The following COL26A1 variants were observed in gnomAD, a reference collection of about 807,000 sequenced individuals.
COL26A1 encodes the protein collagen alpha-1(XXVI) chain.
COL26A1 carries 41 observed loss-of-function variants against 59.3 expected under a neutral mutation model. That is an observed-to-expected ratio of 0.69 (90% CI 0.54 to 0.90). The LOEUF (loss-of-function observed/expected upper bound fraction) is 0.90. COL26A1 is among the 40% of genes least tolerant of loss of function. The pLI is 0.00. For missense variants in COL26A1, 612 were observed against 602.3 expected (o/e 1.02, Z -0.17); for synonymous variants, 266 against 256.0 (o/e 1.04, Z -0.37).
intron 1 of COL26A1, among the ~76,000 whole-genome samples, chr7:101,419,717 G>A (rs1792465220): frequency 6.6e-6 from 1 of 152,204 alleles, no homozygotes; most frequent in South Asian, 2.1e-4. Flanking sequence ...GATTTCCACG[G>A]GCAGGGCTGA....
chr7:101,444,961 C>T (rs1793151428), intron 2 of COL26A1, among the ~76,000 whole-genome samples: 2 of 152,018 alleles, frequency 1.3e-5, no homozygotes, highest in Non-Finnish European at 2.9e-5. Flanking sequence ...CTGCCTCAGC[C>T]TCCTGAGTAG....
At position 101,520,662 on chromosome 7, in the gene COL26A1, A is replaced by ACACACACACACACACACACACACC. The variant is rs915256077; in HGVS notation, c.386-12419_386-12418insACACACACACACACACACACACCC. ...CACACACACACACACACACACACAC[A>ACACACACACACACACACACACACC]CCCCCGTGTTCTTGCATGTTTTTGC... On this transcript the variant is annotated intron_variant, in intron 3 of 12. Coordinates refer to ENST00000313669, the MANE Select transcript of COL26A1 (RefSeq NM_001278563.3). Among the ~76,000 whole-genome samples, 261 of 143,316 alleles carry ACACACACACACACACACACACACC rather than the reference A, an allele frequency of 1.8e-3. 1 individual carries two copies. Among genetic ancestry groups the ACACACACACACACACACACACACC allele is most frequent in the African/African-American group, 6.3e-3 (244 of 38,694 alleles). The allele number at this position is 143,316 out of a possible 152,430, so 94.0% of individuals were successfully genotyped here. A position where few individuals can be genotyped will look rare whatever the true frequency, so the allele number is the denominator to read the frequency against.
chr7:101,496,148 C>T (rs1794581258), intron 3 of COL26A1, among the ~76,000 whole-genome samples: 1 of 152,142 alleles, frequency 6.6e-6, no homozygotes, highest in African/African-American at 2.4e-5. Flanking sequence ...GCCCACGTCT[C>T]CTGGCAAACC....
At chr7:101,492,699 A>AAAAT (rs200117030) in intron 3 of COL26A1, among the ~76,000 whole-genome samples, 5,459 of 141,150 alleles carry the variant, frequency 0.039, 151 homozygotes, top group Non-Finnish European at 0.054. Flanking sequence ...TCTGTCTCAA[A>AAAAT]AAATAAATAA....
intron 3 of COL26A1, among the ~76,000 whole-genome samples, chr7:101,475,880 TTC>T (rs1278978796): frequency 1.4e-5 from 2 of 141,452 alleles, no homozygotes; most frequent in South Asian, 2.2e-4. Flanking sequence ...TTCTTTCTCT[TTC>T]TCTCTCTTTC....
intron 1 of COL26A1, among the ~76,000 whole-genome samples, chr7:101,377,101 C>A (rs896578229): frequency 6.6e-6 from 1 of 152,116 alleles, no homozygotes; most frequent in African/African-American, 2.4e-5. Context: ...TCAGGTGATC[C>A]GCCTGCCTCG....
Position 101,499,896 on chromosome 7 carries a change from A to AG in COL26A1, c.386-33186_386-33185insG, listed in dbSNP as rs35819045. The stretch of plus-strand genomic sequence containing the variant: ...CCCTGCCTTAAAAAAAAAAAAAAAA[A>AG]CACCTTTGTTATGGTTTCCTGTGCT... On this transcript the variant is annotated intron_variant, in intron 3 of 12. Coordinates refer to ENST00000313669, the MANE Select transcript of COL26A1 (RefSeq NM_001278563.3). Among the ~76,000 whole-genome samples the AG allele has an allele frequency of 1.5e-3, 216 of 141,166 alleles. 19 individuals carry two copies. Among genetic ancestry groups the AG allele is most frequent in the Admixed American group, 4.3e-3 (62 of 14,316 alleles). The allele number at this position is 141,166 out of a possible 152,430, so 92.6% of individuals were successfully genotyped here.
At chr7:101,555,981 T>C in intron 12 of COL26A1, 110 bp downstream of exon 12, 1 of 841,930 alleles carries the variant, frequency 1.2e-6, no homozygotes, top group Non-Finnish European at 1.9e-6. Flanking sequence ...CCCTTGCCCC[T>C]AGTCTGACCC....
At position 101,447,788 on chromosome 7, in the gene COL26A1, G is replaced by C. The variant is rs1430515967; in HGVS notation, c.385+1G>C. On this transcript the variant is annotated splice_donor_variant, in intron 3 of 12. Transcript: ENST00000313669. LOFTEE classifies it high-confidence loss of function. Reference sequence around the variant, plus strand: ...TTCACCGGGAGCAACTGTGATGAGGGTAAGTTGGCAGGCACTTGGGCTGCA... The same window carrying C: ...TTCACCGGGAGCAACTGTGATGAGGCTAAGTTGGCAGGCACTTGGGCTGCA... 1.9e-6 allele frequency: 3 copies of C among 1,592,308 alleles called. No individual in the cohort carries two copies. The highest frequency in any genetic ancestry group is 1.7e-6 in the Non-Finnish European group (2 of 1,168,470).
At chr7:101,524,574 T>C (rs1795202763) in intron 3 of COL26A1, among the ~76,000 whole-genome samples, 1 of 152,158 alleles carries the variant, frequency 6.6e-6, no homozygotes, top group Non-Finnish European at 1.5e-5. Flanking sequence ...TAATATTGAG[T>C]CTTCCAATCC....
chr7:101,510,027 C>CTTTTTTTT (rs3073374), intron 3 of COL26A1, among the ~76,000 whole-genome samples: 2,476 of 122,226 alleles, frequency 0.02, 167 homozygotes, highest in South Asian at 0.044. Context: ...CGCGCCCAGT[C>CTTTTTTTT]TTTTTTTTTT....
intron 2 of COL26A1, among the ~76,000 whole-genome samples, chr7:101,426,503 C>T (rs573120743): frequency 5.3e-5 from 8 of 152,274 alleles, no homozygotes; most frequent in Middle Eastern, 3.4e-3. Context: ...CCAGGCATCA[C>T]GTCTCACACC....
chr7:101,429,070 C>T (rs532424522), intron 2 of COL26A1, among the ~76,000 whole-genome samples: 2 of 151,876 alleles, frequency 1.3e-5, no homozygotes, highest in South Asian at 2.1e-4. Flanking sequence ...ATTACAGGCA[C>T]CTGCCACCAC....
At chr7:101,457,184 C>T (rs13228475) in intron 3 of COL26A1, among the ~76,000 whole-genome samples, 1 of 151,874 alleles carries the variant, frequency 6.6e-6, no homozygotes, top group East Asian at 1.9e-4. Flanking sequence ...GGGTGCAAGG[C>T]TACAGGACTG....
chr7:101,430,504 T>A (rs775869770), intron 2 of COL26A1, among the ~76,000 whole-genome samples: 33 of 151,804 alleles, frequency 2.2e-4, no homozygotes, highest in Non-Finnish European at 1.0e-4. Flanking sequence ...TTGGTCAGGC[T>A]GGTCTTGAAC....
At chr7:101,475,832 C>T (rs1183391741) in intron 3 of COL26A1, among the ~76,000 whole-genome samples, 1 of 147,594 alleles carries the variant, frequency 6.8e-6, no homozygotes, top group African/African-American at 2.5e-5. Flanking sequence ...CTCTCTTTCT[C>T]TCTCTCTCTT....
chr7:101,437,495 G>A (rs1468202761), intron 2 of COL26A1, among the ~76,000 whole-genome samples: 1 of 152,026 alleles, frequency 6.6e-6, no homozygotes, highest in Admixed American at 6.6e-5. Context: ...GCCAAGGAGA[G>A]GAGGAGGGAT....
Position 101,547,216 on chromosome 7 carries a change from C to G in COL26A1, c.917C>G (p.Pro306Arg). 6.3e-7 allele frequency: 1 copy of G among 1,586,618 alleles called. No individual in the cohort carries two copies. Among genetic ancestry groups the G allele is most frequent in the Non-Finnish European group, 8.6e-7 (1 of 1,168,264 alleles). ...ACAGTGCTGGCAGGTGTCCCAGGAC[C>G]CCGGGGTCCCCCTGGTCCACCAGGT... ...VDTVLAGVPG[P>R]RGPPGPPGPP... is the part of the protein sequence containing the mutation. The change falls in exon 8 of 13, where the codon CCC becomes CGC. Residue 306 changes from proline to arginine, a missense_variant. Pro to Arg is a moderately radical substitution (Grantham distance 103). Transcript: ENST00000313669.
chr7:101,403,988 G>C (rs1792071982), intron 1 of COL26A1, among the ~76,000 whole-genome samples: 1 of 152,244 alleles, frequency 6.6e-6, no homozygotes, highest in South Asian at 2.1e-4. Context: ...CAGCTACTTG[G>C]GAGGCTGAGG....
Sources: gnomAD v4.1 joint callset for allele counts (sites outside exome capture counted in the v4.1 genomes callset) on GRCh38, gnomAD v4.1.1 for gene constraint, MANE v1.5 for transcripts, NCBI Gene and HGNC (gene_info 2026-07-23, HGNC 2026-07-21) for gene names.